Variants in TOX2 observed in about 807,000 individuals in gnomAD.
The protein encoded by TOX2 is TOX high mobility group box family member 2.
TOX2 carries 15 observed loss-of-function variants against 47.4 expected under a neutral mutation model. The ratio of observed to expected loss-of-function variants is 0.32; its 90% CI spans 0.21 to 0.49. The LOEUF (loss-of-function observed/expected upper bound fraction) is 0.49. Ranked by LOEUF, TOX2 falls within the 20% of genes least tolerant of loss-of-function variation. TOX2 has a pLI of 0.99. For synonymous variants in TOX2, 290 were observed against 296.6 expected (o/e 0.98, Z 0.23); for missense variants, 622 against 673.1 (o/e 0.92, Z 0.84).
chr20:43,998,720 C>CATCT (rs34142021), intron 2 of TOX2, among the ~76,000 whole-genome samples: 8,277 of 60,684 alleles, frequency 0.14, 268 homozygotes, highest in Middle Eastern at 0.26. Flanking sequence ...TGGCCTGATA[C>CATCT]ATCTATCTAT....
intron 1 of TOX2, among the ~76,000 whole-genome samples, chr20:43,935,723 C>T (rs1295852827): frequency 3.3e-5 from 5 of 151,908 alleles, no homozygotes; most frequent in East Asian, 1.9e-4. Context: ...GTCAGGAGTT[C>T]GAGACCAGCC....
chr20:43,957,831 G>A (rs116122061), intron 1 of TOX2, among the ~76,000 whole-genome samples: 27,601 of 151,924 alleles, frequency 0.18, 3,205 homozygotes, highest in Admixed American at 0.3. Flanking sequence ...GTGAAAGGGT[G>A]GCAGGTACAC....
chr20:44,028,080 G>A (rs1367342021), intron 3 of TOX2, among the ~76,000 whole-genome samples: 1 of 152,204 alleles, frequency 6.6e-6, no homozygotes, highest in Non-Finnish European at 1.5e-5. Context: ...ACACTCAGCC[G>A]AAGGTACGAC....
At chr20:44,001,517 G>T (rs1322681676) in intron 2 of TOX2, among the ~76,000 whole-genome samples, 2 of 152,198 alleles carry the variant, frequency 1.3e-5, no homozygotes, top group African/African-American at 4.8e-5. Flanking sequence ...GCCTCTTTAA[G>T]TGAATTGTCA....
intron 3 of TOX2, among the ~76,000 whole-genome samples, chr20:44,023,355 G>A (rs2071005400): frequency 6.6e-6 from 1 of 150,926 alleles, no homozygotes; most frequent in Non-Finnish European, 1.5e-5. Context: ...ACTTGAACTT[G>A]GGAGGCAGAG....
In TOX2 at chr20:44,069,036, T is replaced by C; in HGVS notation, c.*350T>C. 2.3e-6 allele frequency: 1 copy of C among 429,432 alleles called. No homozygotes were observed. 26.6% of individuals were successfully genotyped at this position (429,432 alleles called of 1,614,324 possible). On this transcript the variant is annotated 3_prime_UTR_variant, in exon 9 of 9. Coordinates refer to ENST00000341197, the MANE Select transcript of TOX2 (RefSeq NM_001098797.2). The stretch of plus-strand genomic sequence containing the variant: ...GGTGGGCCGCCCCTGGCGGGGTCGC[T>C]TACCAACGGACACCCACCCCAGATG...
intron 2 of TOX2, among the ~76,000 whole-genome samples, chr20:44,004,789 G>A (rs1044253786): frequency 2.6e-5 from 4 of 152,142 alleles, no homozygotes; most frequent in East Asian, 1.9e-4. Flanking sequence ...TTTAACACAC[G>A]CACTTAAACA....
intron 3 of TOX2, among the ~76,000 whole-genome samples, chr20:44,045,747 AG>A (rs2071401214): frequency 6.6e-6 from 1 of 152,238 alleles, no homozygotes; most frequent in African/African-American, 2.4e-5. Flanking sequence ...TTTCACACTT[AG>A]CAGGTTTGCA....
chr20:43,968,093 C>T (rs528993515), intron 1 of TOX2, among the ~76,000 whole-genome samples: 3 of 152,258 alleles, frequency 2.0e-5, no homozygotes, highest in South Asian at 4.1e-4. Flanking sequence ...TTCACCCGTC[C>T]GTCATCTGCC....
At chr20:44,015,849 G>A (rs761415948) in intron 3 of TOX2, among the ~76,000 whole-genome samples, 10 of 151,912 alleles carry the variant, frequency 6.6e-5, no homozygotes, top group Non-Finnish European at 1.2e-4. Flanking sequence ...AGAATCTGTC[G>A]GCGTTCTTTA....
rs1055897401 is a variant in TOX2, at chr20:44,068,965, G to A, written c.*279G>A. On this transcript the variant is annotated 3_prime_UTR_variant, in exon 9 of 9. Coordinates refer to ENST00000341197, the MANE Select transcript of TOX2 (RefSeq NM_001098797.2). ...TGGACCCTGTCCTCGCCCTGCGCAC[G>A]GTACCCTATGTCTGGACACCCGGCC... is the stretch of plus-strand genomic sequence containing the variant. 21 of 589,872 alleles carry A rather than the reference G, an allele frequency of 3.6e-5. No individual in the cohort carries two copies. Among genetic ancestry groups the A allele is most frequent in the African/African-American group, 1.1e-4 (6 of 54,584 alleles). The allele number at this position is 589,872 out of a possible 1,614,324, so 36.5% of individuals were successfully genotyped here. A position where few individuals can be genotyped will look rare whatever the true frequency, so the allele number is the denominator to read the frequency against.
At chr20:44,031,386 G>A (rs548321957) in intron 3 of TOX2, among the ~76,000 whole-genome samples, 12 of 152,314 alleles carry the variant, frequency 7.9e-5, no homozygotes, top group African/African-American at 2.4e-4. Context: ...ACAGGAGCAC[G>A]CTGCATTTGT....
intron 3 of TOX2, among the ~76,000 whole-genome samples, chr20:44,024,904 C>CT (rs2071036085): frequency 6.6e-6 from 1 of 152,118 alleles, no homozygotes; most frequent in African/African-American, 2.4e-5. Flanking sequence ...TTTTCCTGTA[C>CT]TTTCCAGTGT....
intron 1 of TOX2, among the ~76,000 whole-genome samples, chr20:43,973,063 T>G (rs1467867727): frequency 6.6e-6 from 1 of 152,242 alleles, no homozygotes; most frequent in East Asian, 1.9e-4. Flanking sequence ...GCTCAGCACA[T>G]GGCAAGGCAG....
At chr20:43,939,077 G>A (rs2069367518) in intron 1 of TOX2, among the ~76,000 whole-genome samples, 1 of 152,164 alleles carries the variant, frequency 6.6e-6, no homozygotes, top group Non-Finnish European at 1.5e-5. Context: ...CCCCAGCTTG[G>A]GTAACCCCCT....
rs543307264 is a variant in TOX2 at position 44,023,374 on chromosome 20, G to A, written c.411+16582G>A. Among the ~76,000 whole-genome samples, 19 of 129,750 alleles carry A rather than the reference G, an allele frequency of 1.5e-4. No individual in the cohort carries two copies. In the South Asian group the frequency reaches 4.6e-3, roughly 31 times the overall value. 85.1% of individuals were successfully genotyped at this position (129,750 alleles called of 152,430 possible). A position where few individuals can be genotyped will look rare whatever the true frequency, so the allele number is the denominator to read the frequency against. On this transcript the variant is annotated intron_variant, in intron 3 of 8. Coordinates refer to ENST00000341197, the MANE Select transcript of TOX2 (RefSeq NM_001098797.2). ...GAACTTGGGAGGCAGAGTTTGCAAT[G>A]AGCCAAGATCGCACCACTGCATTCC...
At chr20:43,955,907 T>C (rs1321788008) in intron 1 of TOX2, among the ~76,000 whole-genome samples, 2 of 152,218 alleles carry the variant, frequency 1.3e-5, no homozygotes, top group Admixed American at 6.5e-5. Context: ...GTTTCTGAAG[T>C]GCAGCCCACA....
intron 5 of TOX2, among the ~76,000 whole-genome samples, chr20:44,054,986 C>T (rs955889720): frequency 6.6e-6 from 1 of 152,224 alleles, no homozygotes; most frequent in Non-Finnish European, 1.5e-5. Flanking sequence ...CACCTAAACT[C>T]TCTGAGCCTC....
intron 2 of TOX2, among the ~76,000 whole-genome samples, chr20:43,979,679 G>GA (rs565525726): frequency 6.6e-6 from 1 of 151,752 alleles, no homozygotes; most frequent in South Asian, 2.1e-4. Context: ...GACTCTATAG[G>GA]AAAAAAAATC....
Sources: gnomAD v4.1 joint callset for allele counts (sites outside exome capture counted in the v4.1 genomes callset) on GRCh38, gnomAD v4.1.1 for gene constraint, MANE v1.5 for transcripts, NCBI Gene and HGNC (gene_info 2026-07-23, HGNC 2026-07-21) for gene names.